Variants in FGF13 observed in about 807,000 individuals in gnomAD.
FGF13 encodes the protein fibroblast growth factor homologous factor 2.
In FGF13, 2 loss-of-function variants were observed where a neutral mutation model predicts 19.5. The observed-to-expected ratio is 0.10, with a 90% CI of 0.04 to 0.32. FGF13 has a LOEUF of 0.32. FGF13 is among the 10% of genes least tolerant of loss of function. The pLI is 1.00. For missense variants in FGF13, 113 were observed against 192.7 expected, an observed-to-expected ratio of 0.59 and a Z score of 2.45; for synonymous variants, 72 against 76.9, an observed-to-expected ratio of 0.94 and a Z score of 0.33.
chrX:138,984,506 GAA>G (rs1287200612), intron 1 of FGF13, among the ~76,000 whole-genome samples: 2,302 of 76,744 alleles, frequency 0.03, 452 homozygotes, highest in African/African-American at 0.058. Flanking sequence ...AGAAGGAGAA[GAA>G]GAGGAAGAAG....
chrX:138,691,137 C>T (rs1415726778), intron 3 of FGF13, among the ~76,000 whole-genome samples: 1 of 111,277 alleles, frequency 9.0e-6, no homozygotes, highest in Admixed American at 9.6e-5. Flanking sequence ...ATTTCTGCTT[C>T]AAAGGTTATG....
intron 1 of FGF13, among the ~76,000 whole-genome samples, chrX:138,953,910 A>G (rs1022638100): frequency 1.8e-5 from 2 of 111,190 alleles, no homozygotes; most frequent in Admixed American, 9.6e-5. Flanking sequence ...ATAAACATAG[A>G]AAAGCCTTTG....
At chrX:138,752,112 C>T (rs1219394246) in intron 3 of FGF13, among the ~76,000 whole-genome samples, 1 of 111,708 alleles carries the variant, frequency 9.0e-6, no homozygotes, top group Non-Finnish European at 1.9e-5. Flanking sequence ...GATGCATGAG[C>T]CTCAGGAATG....
intron 1 of FGF13, among the ~76,000 whole-genome samples, chrX:138,912,201 C>T (rs1384349755): frequency 8.9e-6 from 1 of 111,765 alleles, no homozygotes; most frequent in Non-Finnish European, 1.9e-5. Context: ...CTTCATTCAC[C>T]CCAATCTGTC....
At chrX:138,827,670 G>A (rs1307230063) in intron 3 of FGF13, among the ~76,000 whole-genome samples, 2 of 111,599 alleles carry the variant, frequency 1.8e-5, no homozygotes, top group Non-Finnish European at 3.8e-5. Context: ...GTTTGCGAGT[G>A]GCTAAAAACA....
chrX:138,788,854 T>A (rs772793364), intron 3 of FGF13, among the ~76,000 whole-genome samples: 13 of 112,168 alleles, frequency 1.2e-4, no homozygotes, highest in Non-Finnish European at 2.3e-4. Flanking sequence ...CCTTTTTGCA[T>A]AATTCCATCT....
chrX:138,942,508 GA>G (rs1263591113), intron 1 of FGF13, among the ~76,000 whole-genome samples: 1 of 111,910 alleles, frequency 8.9e-6, no homozygotes, highest in Non-Finnish European at 1.9e-5. Context: ...CTGGGTCCAA[GA>G]AATCTGGTCA....
intron 1 of FGF13, among the ~76,000 whole-genome samples, chrX:138,969,790 C>T (rs1196249909): frequency 9.0e-6 from 1 of 111,694 alleles, no homozygotes; most frequent in Admixed American, 9.5e-5. Context: ...TCCATAAAGC[C>T]ACCTGACTCA....
At chrX:138,736,797 C>CT (rs2090278660) in intron 1 of FGF13, among the ~76,000 whole-genome samples, 1 of 109,507 alleles carries the variant, frequency 9.1e-6, no homozygotes, top group Non-Finnish European at 1.9e-5. Flanking sequence ...TTGAGAAACT[C>CT]TAAGTCAATA....
At chrX:139,120,971 C>T (rs769774306) in intron 1 of FGF13, among the ~76,000 whole-genome samples, 2 of 112,590 alleles carry the variant, frequency 1.8e-5, no homozygotes, top group South Asian at 3.7e-4. Context: ...TGACCTCACT[C>T]GCGAATAATT....
intron 1 of FGF13, among the ~76,000 whole-genome samples, chrX:139,156,898 C>T (rs1054128217): frequency 9.9e-5 from 11 of 111,604 alleles, no homozygotes; most frequent in Non-Finnish European, 1.5e-4. Flanking sequence ...AGAAGTAAAA[C>T]GCTAAGGAAA....
Position 138,828,519 on chromosome X carries a change from G to C in FGF13, c.217+28993C>G, listed in dbSNP as rs1038526987. ...CGGGAGGCGGAGCTTGCAGTGAGCC[G>C]AGATCGCGCCACTGCACTCCAGCCT... is the stretch of plus-strand genomic sequence containing the variant. On this transcript the variant is annotated intron_variant, in intron 3 of 6. Coordinates refer to the FGF13 transcript ENST00000436198. 2.9e-5 allele frequency among the ~76,000 whole-genome samples: 3 copies of C among 104,280 alleles called. No individual in the cohort carries two copies. The Admixed American group carries it at 3.1e-4, about 11-fold the overall frequency. 90.6% of individuals were successfully genotyped at this position (104,280 alleles called of 115,157 possible).
chrX:138,853,602 TGTGTGTGTGTGCGTGTGC>T (rs2091237875), downstream of FGF13, among the ~76,000 whole-genome samples: 1 of 92,199 alleles, frequency 1.1e-5, no homozygotes, highest in African/African-American at 4.0e-5. Context: ...AGACAGAATG[TGTGTGTGTGTGCGTGTGC>T]GTGTGTGTGT....
intron 3 of FGF13, among the ~76,000 whole-genome samples, chrX:138,671,022 C>T (rs1380709668): frequency 1.1e-5 from 1 of 89,001 alleles, no homozygotes; most frequent in Non-Finnish European, 2.1e-5. Context: ...ACACACATGA[C>T]CATCACCATC....
At chrX:139,040,590 T>C (rs1384803879) in intron 1 of FGF13, among the ~76,000 whole-genome samples, 3 of 111,735 alleles carry the variant, frequency 2.7e-5, no homozygotes, top group African/African-American at 9.8e-5. Flanking sequence ...GGAACACTTT[T>C]ACACTGTTGG....
At chrX:138,794,513 T>C (rs189764153) in intron 3 of FGF13, among the ~76,000 whole-genome samples, 21 of 111,905 alleles carry the variant, frequency 1.9e-4, no homozygotes, top group East Asian at 1.7e-3. Context: ...AGCTCATCTG[T>C]TTCACTCAGT....
chrX:139,060,825 CTGT>C (rs917162917), intron 1 of FGF13, among the ~76,000 whole-genome samples: 1 of 110,710 alleles, frequency 9.0e-6, no homozygotes, highest in African/African-American at 3.3e-5. Context: ...CATACTTTTT[CTGT>C]TTTTTTTTCT....
intron 1 of FGF13, among the ~76,000 whole-genome samples, chrX:139,025,325 C>A (rs1278897031): frequency 3.6e-5 from 4 of 111,940 alleles, no homozygotes; most frequent in African/African-American, 1.3e-4. Context: ...TGCTCAATGA[C>A]CCTGTTCAGT....
chrX:138,677,770 G>A (rs2089686661), intron 3 of FGF13, among the ~76,000 whole-genome samples: 1 of 112,452 alleles, frequency 8.9e-6, no homozygotes, highest in Non-Finnish European at 1.9e-5. Context: ...AGTCAGTGTG[G>A]TGATTCCTCA....
Sources: gnomAD v4.1 joint callset for allele counts (sites outside exome capture counted in the v4.1 genomes callset) on GRCh38, gnomAD v4.1.1 for gene constraint, MANE v1.5 for transcripts, NCBI Gene and HGNC (gene_info 2026-07-23, HGNC 2026-07-21) for gene names.